The following LARGE1 variants were observed in gnomAD, a reference collection of about 807,000 sequenced individuals.
The protein encoded by LARGE1 is LARGE xylosyl- and glucuronyltransferase 1, also known as xylosyl- and glucuronyltransferase LARGE1.
LARGE1 carries 43 observed loss-of-function variants against 87.6 expected under a neutral mutation model. The observed-to-expected ratio is 0.49, with a 90% CI of 0.38 to 0.63. LARGE1 has a LOEUF of 0.63. Ranked by LOEUF, LARGE1 falls within the 30% of genes least tolerant of loss-of-function variation. The probability of loss-of-function intolerance (pLI) is 0.00; values close to 1 mark genes in which losing one functional copy is unlikely to be tolerated. For missense variants in LARGE1, 802 were observed against 1,000.2 expected, an observed-to-expected ratio of 0.80 and a Z score of 2.67; for synonymous variants, 434 against 394.6, an observed-to-expected ratio of 1.10 and a Z score of -1.18.
chr22:33,868,257 C>T (rs529991474), intron 1 of LARGE1, among the ~76,000 whole-genome samples: 12 of 152,128 alleles, frequency 7.9e-5, no homozygotes, highest in South Asian at 2.1e-4. Flanking sequence ...CTACCACAGC[C>T]GGCCTCGTCG....
At chr22:33,640,828 G>A (rs1220713780) in intron 3 of LARGE1, among the ~76,000 whole-genome samples, 2 of 152,100 alleles carry the variant, frequency 1.3e-5, no homozygotes, top group East Asian at 1.9e-4. Flanking sequence ...AACTCATGAC[G>A]GCATGGCAAA....
At chr22:33,881,015 C>T (rs186492390) in intron 1 of LARGE1, among the ~76,000 whole-genome samples, 153 of 152,136 alleles carry the variant, frequency 1.0e-3, no homozygotes, top group African/African-American at 3.5e-3. Context: ...AAACTGTCCT[C>T]CTCCAAACTG....
At chr22:33,372,980 G>A (rs759671622) in intron 9 of LARGE1, among the ~76,000 whole-genome samples, 3 of 152,156 alleles carry the variant, frequency 2.0e-5, no homozygotes, top group Non-Finnish European at 2.9e-5. Context: ...TTTCCTATGA[G>A]AAACAATCTT....
chr22:33,128,393 G>A, the LARGE1 span, among the ~76,000 whole-genome samples: 2 of 152,206 alleles, frequency 1.3e-5, no homozygotes, highest in African/African-American at 4.8e-5. Flanking sequence ...AAATGTGGTA[G>A]GCCAGATGCA....
intron 11 of LARGE1, among the ~76,000 whole-genome samples, chr22:33,310,544 C>G (rs58096237): frequency 0.16 from 23,604 of 152,008 alleles, 2,007 homozygotes; most frequent in South Asian, 0.24. Flanking sequence ...GAGGGAGCTG[C>G]GTACGGGAGT....
chr22:33,444,371 T>C (rs1279854585), intron 6 of LARGE1, among the ~76,000 whole-genome samples: 1 of 152,246 alleles, frequency 6.6e-6, no homozygotes, highest in Non-Finnish European at 1.5e-5. Context: ...AGTTACTGCT[T>C]AATTTTTTTC....
At chr22:33,395,518 G>C (rs922871831) in intron 7 of LARGE1, among the ~76,000 whole-genome samples, 1 of 152,164 alleles carries the variant, frequency 6.6e-6, no homozygotes. Context: ...AACTTTTTTA[G>C]CAAAGGGGAA....
the LARGE1 span, among the ~76,000 whole-genome samples, chr22:33,149,040 CT>C: frequency 8.7e-3 from 1,195 of 136,878 alleles, 11 homozygotes; most frequent in African/African-American, 0.027. Context: ...TTCTTTTTTT[CT>C]TTTTTTTTTT....
At chr22:33,624,991 T>C (rs185866248) in intron 4 of LARGE1, among the ~76,000 whole-genome samples, 1 of 152,298 alleles carries the variant, frequency 6.6e-6, no homozygotes, top group African/African-American at 2.4e-5. Context: ...GAATCCCAGT[T>C]CCTTGCAGGG....
chr22:33,579,753 T>C (rs1253821439), intron 5 of LARGE1, among the ~76,000 whole-genome samples: 1 of 152,142 alleles, frequency 6.6e-6, no homozygotes, highest in East Asian at 1.9e-4. Context: ...GTTTTGGTGG[T>C]GTTGTTTTGT....
At chr22:33,262,156 GC>G (rs1390898629) in intron 11 of LARGE1, among the ~76,000 whole-genome samples, 1 of 152,176 alleles carries the variant, frequency 6.6e-6, no homozygotes, top group Non-Finnish European at 1.5e-5. Context: ...GCAAACAAGG[GC>G]AAAGATGTAA....
the LARGE1 span, among the ~76,000 whole-genome samples, chr22:33,103,188 C>T: frequency 6.6e-6 from 1 of 152,012 alleles, no homozygotes; most frequent in South Asian, 2.1e-4. Context: ...AATCCCAACA[C>T]TTTGGGAGGC....
Position 33,777,366 on chromosome 22 carries a change from C to T in LARGE1, c.-82-15808G>A, listed in dbSNP as rs953196162. 5.3e-5 allele frequency among the ~76,000 whole-genome samples: 8 copies of T among 152,126 alleles called. No individual in the cohort carries two copies. In the East Asian group the frequency reaches 7.8e-4, roughly 15 times the overall value. On this transcript the variant is annotated intron_variant, in intron 1 of 14. Coordinates refer to ENST00000397394, the MANE Select transcript of LARGE1 (RefSeq NM_133642.5). ...CTTAAGACAATCAATGGCCAGGCGT[C>T]GTGGCTCACATCTGTAATCCCAGCA...
chr22:33,413,323 C>T (rs956296189), intron 7 of LARGE1, among the ~76,000 whole-genome samples: 1 of 152,030 alleles, frequency 6.6e-6, no homozygotes, highest in Admixed American at 6.6e-5. Flanking sequence ...GCAAAAAGAG[C>T]CACAGTTTAT....
At chr22:33,413,784 C>T (rs1214919142) in intron 7 of LARGE1, among the ~76,000 whole-genome samples, 1 of 152,144 alleles carries the variant, frequency 6.6e-6, no homozygotes, top group Non-Finnish European at 1.5e-5. Flanking sequence ...CTTTTTAAAA[C>T]TGCCCACTGC....
chr22:33,419,671 TTTG>T (rs373250148), intron 7 of LARGE1, among the ~76,000 whole-genome samples: 3 of 150,982 alleles, frequency 2.0e-5, no homozygotes, highest in Non-Finnish European at 3.0e-5. Flanking sequence ...AATCTTTGTT[TTTG>T]TTGTTGTTGT....
chr22:33,583,137 T>G (rs2078570538), intron 5 of LARGE1, among the ~76,000 whole-genome samples: 1 of 152,150 alleles, frequency 6.6e-6, no homozygotes, highest in Admixed American at 6.5e-5. Flanking sequence ...CCTACCACCA[T>G]GCACCCACCA....
chr22:33,696,287 G>A (rs1338704000), intron 2 of LARGE1, among the ~76,000 whole-genome samples: 1 of 129,044 alleles, frequency 7.7e-6, no homozygotes, highest in African/African-American at 3.0e-5. Context: ...TTTTGAGACA[G>A]AGTCTCACTC....
chr22:33,310,675 C>T (rs145882470), intron 11 of LARGE1, among the ~76,000 whole-genome samples: 43 of 152,246 alleles, frequency 2.8e-4, no homozygotes, highest in East Asian at 1.7e-3. Context: ...GGCACCAGTC[C>T]GCGTGCTGCA....
Sources: gnomAD v4.1 joint callset for allele counts (sites outside exome capture counted in the v4.1 genomes callset) on GRCh38, gnomAD v4.1.1 for gene constraint, MANE v1.5 for transcripts, NCBI Gene and HGNC (gene_info 2026-07-23, HGNC 2026-07-21) for gene names.